Variants in STRN observed in about 807,000 individuals in gnomAD.
STRN encodes the protein protein phosphatase 2 regulatory subunit B'''alpha.
A neutral mutation model predicts 96.3 loss-of-function variants in STRN; 53 were observed. The ratio of observed to expected loss-of-function variants is 0.55; its 90% CI spans 0.44 to 0.69. The LOEUF (loss-of-function observed/expected upper bound fraction) is 0.69. Among genes scored for constraint, STRN ranks in the 30% least tolerant of loss-of-function variants. The pLI, the probability that STRN is intolerant of heterozygous loss-of-function variation, is 0.00. For synonymous variants in STRN, 428 were observed against 355.9 expected (o/e 1.20, Z -2.28); for missense variants, 987 against 963.9 (o/e 1.02, Z -0.32).
At chr2:36,906,782 G>C (rs953499133) in intron 3 of STRN, among the ~76,000 whole-genome samples, 8 of 151,932 alleles carry the variant, frequency 5.3e-5, no homozygotes, top group African/African-American at 1.7e-4. Context: ...ACAAAAATTA[G>C]TGGTGGTGGG....
At chr2:36,964,712 T>C (rs564516358) in intron 1 of STRN, among the ~76,000 whole-genome samples, 3 of 152,312 alleles carry the variant, frequency 2.0e-5, no homozygotes, top group African/African-American at 7.2e-5. Flanking sequence ...CCATCTAAAA[T>C]AGCTGCCCCT....
chr2:36,909,157 CAAA>C (rs78134786), intron 3 of STRN, among the ~76,000 whole-genome samples: 6 of 74,094 alleles, frequency 8.1e-5, no homozygotes, highest in Non-Finnish European at 1.4e-4. Context: ...GACTTCATCT[CAAA>C]AAAAAAAAAA....
intron 9 of STRN, 125 bp downstream of exon 9, chr2:36,883,807 A>T (rs1220941734): frequency 1.0e-6 from 1 of 952,706 alleles, no homozygotes; most frequent in East Asian, 3.2e-5. Flanking sequence ...GCATTTGGGG[A>T]AAACTATGCA....
intron 1 of STRN, among the ~76,000 whole-genome samples, chr2:36,949,193 T>G (rs974670368): frequency 2.6e-5 from 4 of 152,228 alleles, no homozygotes; most frequent in African/African-American, 9.6e-5. Flanking sequence ...CTAGGAGCAA[T>G]AGGCTATGCC....
At chr2:36,911,907 T>C (rs1200163273) in intron 3 of STRN, among the ~76,000 whole-genome samples, 2 of 152,186 alleles carry the variant, frequency 1.3e-5, no homozygotes, top group Non-Finnish European at 2.9e-5. Context: ...AGAAAGTTAG[T>C]CTTCCTGTTT....
chr2:36,879,981 A>T (rs1226921589), intron 9 of STRN, among the ~76,000 whole-genome samples: 1 of 151,558 alleles, frequency 6.6e-6, no homozygotes, highest in Non-Finnish European at 1.5e-5. Context: ...AAAAAAAAAA[A>T]TCTGAGACGG....
intron 1 of STRN, among the ~76,000 whole-genome samples, chr2:36,949,026 ATGG>A (rs1222246497): frequency 1.3e-5 from 2 of 152,226 alleles, no homozygotes; most frequent in African/African-American, 4.8e-5. Flanking sequence ...TATATACATG[ATGG>A]TGGTCCCATA....
At chr2:36,868,900 C>A (rs922909114) in intron 11 of STRN, among the ~76,000 whole-genome samples, 3 of 150,014 alleles carry the variant, frequency 2.0e-5, no homozygotes, top group African/African-American at 7.4e-5. Context: ...GACATGTGAC[C>A]CAAAGGAGTG....
At chr2:36,914,885 T>C (rs1670049372) in intron 3 of STRN, among the ~76,000 whole-genome samples, 1 of 152,056 alleles carries the variant, frequency 6.6e-6, no homozygotes, top group African/African-American at 2.4e-5. Context: ...CTTTACCGAA[T>C]AACCACTTTA....
chr2:36,917,745 G>A (rs1215852100), intron 2 of STRN, among the ~76,000 whole-genome samples: 2 of 151,954 alleles, frequency 1.3e-5, no homozygotes, highest in African/African-American at 2.4e-5. Flanking sequence ...GGTAGGTGAT[G>A]GGTACATGAG....
At chr2:36,931,861 C>A (rs1266908291) in intron 1 of STRN, among the ~76,000 whole-genome samples, 1 of 152,236 alleles carries the variant, frequency 6.6e-6, no homozygotes, top group Non-Finnish European at 1.5e-5. Flanking sequence ...CAGGGTCTCG[C>A]TCTGTTGCCC....
chr2:36,845,917 A>ACACACACACACACACACACGCATG lies in STRN; in HGVS notation c.*3538_*3539insCATGCGTGTGTGTGTGTGTGTGTG, dbSNP rs1668060319. 7.2e-5 allele frequency: 1 copy of ACACACACACACACACACACGCATG among 13,822 alleles called. No individual in the cohort carries two copies. Among genetic ancestry groups the ACACACACACACACACACACGCATG allele is most frequent in the African/African-American group, 2.5e-4 (1 of 3,992 alleles). The allele number at this position is 13,822 out of a possible 1,614,324, so 0.9% of individuals were successfully genotyped here. ...CACACACACACACACGCATGCATGC[A>ACACACACACACACACACACGCATG]CACACACACACACACACACACACAC... On this transcript the variant is annotated 3_prime_UTR_variant, in exon 18 of 18. Transcript: ENST00000263918.
intron 1 of STRN, among the ~76,000 whole-genome samples, chr2:36,941,134 C>T (rs1437951824): frequency 1.3e-5 from 2 of 152,116 alleles, no homozygotes; most frequent in Non-Finnish European, 2.9e-5. Context: ...CCAGCCTGAG[C>T]AACAGAGGTG....
chr2:36,949,221 A>T (rs545688567), intron 1 of STRN, among the ~76,000 whole-genome samples: 1 of 152,358 alleles, frequency 6.6e-6, no homozygotes, highest in South Asian at 2.1e-4. Context: ...CTAGGTATGT[A>T]GCAGGCTATA....
At chr2:36,905,404 G>T in intron 4 of STRN, 136 bp downstream of exon 4, 1 of 722,922 alleles carries the variant, frequency 1.4e-6, no homozygotes, top group Non-Finnish European at 2.3e-6. Flanking sequence ...AAAAGGAACA[G>T]TAATTCAATT....
intron 9 of STRN, among the ~76,000 whole-genome samples, chr2:36,883,571 T>G (rs1669134709): frequency 6.6e-6 from 1 of 152,216 alleles, no homozygotes; most frequent in Non-Finnish European, 1.5e-5. Flanking sequence ...CAATTATCAT[T>G]AATAAATTGC....
intron 7 of STRN, among the ~76,000 whole-genome samples, chr2:36,890,672 T>C (rs1238142367): frequency 6.6e-6 from 1 of 151,850 alleles, no homozygotes; most frequent in Non-Finnish European, 1.5e-5. Flanking sequence ...TTAGTAGAGA[T>C]GGGGTTTCAC....
intron 3 of STRN, among the ~76,000 whole-genome samples, chr2:36,914,977 C>G (rs1032961082): frequency 2.6e-5 from 4 of 151,636 alleles, no homozygotes; most frequent in Non-Finnish European, 4.4e-5. Context: ...GGGGGCGGAT[C>G]CCGAGGTCAG....
At chr2:36,931,706 T>G (rs1414415433) in intron 1 of STRN, among the ~76,000 whole-genome samples, 1 of 152,190 alleles carries the variant, frequency 6.6e-6, no homozygotes, top group Admixed American at 6.5e-5. Context: ...AGAAACACAG[T>G]TGCAGGCAAA....
Sources: allele counts gnomAD v4.1 joint callset (sites outside exome capture counted in the v4.1 genomes callset), GRCh38; gene constraint gnomAD v4.1.1; transcripts MANE v1.5; gene names NCBI Gene and HGNC (gene_info 2026-07-23, HGNC 2026-07-21).